The following SEPTIN7 variants were observed in gnomAD, a reference collection of about 807,000 sequenced individuals.
The protein encoded by SEPTIN7 is septin 7, also known as septin-7.
A neutral mutation model predicts 63.3 loss-of-function variants in SEPTIN7; 10 were observed. The ratio of observed to expected loss-of-function variants is 0.16; its 90% CI spans 0.10 to 0.27. The LOEUF (loss-of-function observed/expected upper bound fraction) is 0.27. SEPTIN7 is among the 10% of genes least tolerant of loss of function. The probability of loss-of-function intolerance (pLI) is 1.00; values close to 1 mark genes in which losing one functional copy is unlikely to be tolerated. For missense variants in SEPTIN7, 310 were observed against 521.0 expected (o/e 0.59, Z 3.94); for synonymous variants, 131 against 165.3 (o/e 0.79, Z 1.59).
At chr7:35,813,325 C>G (rs1234107984) in intron 1 of SEPTIN7, among the ~76,000 whole-genome samples, 1 of 151,518 alleles carries the variant, frequency 6.6e-6, no homozygotes, top group Non-Finnish European at 1.5e-5. Flanking sequence ...TTGGTTTGAC[C>G]TTTTCCTACT....
At chr7:35,853,938 T>C (rs2116077541) in intron 3 of SEPTIN7, among the ~76,000 whole-genome samples, 1 of 152,300 alleles carries the variant, frequency 6.6e-6, no homozygotes, top group South Asian at 2.1e-4. Context: ...TATTTCACTT[T>C]TGTTTCTGTT....
intron 3 of SEPTIN7, among the ~76,000 whole-genome samples, chr7:35,840,236 C>CTCCCCT (rs1162244260): frequency 5.8e-5 from 6 of 103,148 alleles, no homozygotes; most frequent in East Asian, 3.7e-4. Context: ...CCCCTTTCCC[C>CTCCCCT]TCCCCTTCCC....
chr7:35,827,690 C>T (rs1193579851), intron 1 of SEPTIN7, among the ~76,000 whole-genome samples: 1 of 152,008 alleles, frequency 6.6e-6, no homozygotes, highest in African/African-American at 2.4e-5. Flanking sequence ...AGGGTTTCAC[C>T]ATGTTGGCCA....
intron 7 of SEPTIN7, 115 bp from the exon 8 acceptor site, chr7:35,882,369 G>A (rs1786937681): frequency 4.3e-6 from 3 of 690,196 alleles, no homozygotes; most frequent in Non-Finnish European, 6.0e-6. Flanking sequence ...TTAAAAAACA[G>A]TAAAGGATCT....
At chr7:35,842,523 C>T (rs1274742966) in intron 3 of SEPTIN7, among the ~76,000 whole-genome samples, 2 of 152,162 alleles carry the variant, frequency 1.3e-5, no homozygotes, top group Non-Finnish European at 1.5e-5. Context: ...AATGGGTTCA[C>T]TGACTTGCCA....
Position 35,814,589 on chromosome 7 carries a change from T to C in SEPTIN7, c.61+13319T>C, listed in dbSNP as rs1788930923. On this transcript the variant is annotated intron_variant, in intron 1 of 13. Coordinates refer to ENST00000350320, the MANE Select transcript of SEPTIN7 (RefSeq NM_001788.6). ...AACTTTAGTATCTTGTCAATGATTCTTGCCTATGGCAGTTATTACTGTGCT... is the reference window on the plus strand; with the variant it reads ...AACTTTAGTATCTTGTCAATGATTCCTGCCTATGGCAGTTATTACTGTGCT... Among the ~76,000 whole-genome samples, 3 of 152,230 alleles carry C rather than the reference T, an allele frequency of 2.0e-5. No homozygotes were observed. In the South Asian group the frequency reaches 6.2e-4, roughly 32 times the overall value.
chr7:35,865,859 A>G (rs1194466921), intron 4 of SEPTIN7, among the ~76,000 whole-genome samples: 1 of 152,174 alleles, frequency 6.6e-6, no homozygotes, highest in Non-Finnish European at 1.5e-5. Flanking sequence ...CCCTCAATTT[A>G]TTAGAATTCT....
At chr7:35,877,398 G>A (rs1307976637) in intron 6 of SEPTIN7, among the ~76,000 whole-genome samples, 1 of 152,130 alleles carries the variant, frequency 6.6e-6, no homozygotes, top group South Asian at 2.1e-4. Flanking sequence ...ATCTTTGTTA[G>A]TAAAAAGGAC....
downstream of SEPTIN7, among the ~76,000 whole-genome samples, chr7:35,911,846 A>G (rs1159081548): frequency 2.6e-5 from 4 of 152,362 alleles, no homozygotes; most frequent in African/African-American, 9.6e-5. Context: ...TGCAAAATTA[A>G]AAGAATATTT....
At chr7:35,878,106 ATAGT>A (rs1441944013) in intron 6 of SEPTIN7, among the ~76,000 whole-genome samples, 1 of 152,164 alleles carries the variant, frequency 6.6e-6, no homozygotes, top group Admixed American at 6.6e-5. Context: ...AAGTGGAACC[ATAGT>A]TAGTGAGGAC....
At chr7:35,895,265 A>C (rs1310010447) in intron 11 of SEPTIN7, among the ~76,000 whole-genome samples, 3 of 152,264 alleles carry the variant, frequency 2.0e-5, no homozygotes, top group African/African-American at 7.2e-5. Context: ...TTATAAGCAC[A>C]ATTTTTTGTT....
At chr7:35,818,902 A>G (rs1255037074) in intron 1 of SEPTIN7, among the ~76,000 whole-genome samples, 1 of 148,828 alleles carries the variant, frequency 6.7e-6, no homozygotes, top group African/African-American at 2.5e-5. Flanking sequence ...AATTTTGTTG[A>G]TCTTTTCAGT....
chr7:35,871,658 A>T (rs1357477876), intron 4 of SEPTIN7, among the ~76,000 whole-genome samples: 1 of 152,198 alleles, frequency 6.6e-6, no homozygotes, highest in Admixed American at 6.5e-5. Context: ...TCTATAAAAC[A>T]TGCCAAAAGG....
At chr7:35,834,160 C>T (rs777715090) in intron 3 of SEPTIN7, among the ~76,000 whole-genome samples, 1 of 151,756 alleles carries the variant, frequency 6.6e-6, no homozygotes, top group East Asian at 1.9e-4. Context: ...TGTATCTTAC[C>T]TTTACATATG....
At chr7:35,832,028 C>T (rs1428211534) in intron 2 of SEPTIN7, 1 of 441,980 alleles carries the variant, frequency 2.3e-6, no homozygotes, top group Admixed American at 2.5e-5. Flanking sequence ...GCATTTCTCA[C>T]CCATGGGTAA....
At chr7:35,856,575 A>G (rs1785218512) in intron 3 of SEPTIN7, among the ~76,000 whole-genome samples, 1 of 152,172 alleles carries the variant, frequency 6.6e-6, no homozygotes, top group Non-Finnish European at 1.5e-5. Context: ...TGGAGTGGCG[A>G]CTTCCAAGCT....
rs113834654 is a variant in SEPTIN7, at chr7:35,846,445, A to G, written c.169+13545A>G. Among the ~76,000 whole-genome samples the G allele has an allele frequency of 5.3e-4, 81 of 152,324 alleles. 1 individual carries two copies. The highest frequency in any genetic ancestry group is 1.7e-3 in the African/African-American group (70 of 41,576). On this transcript the variant is annotated intron_variant, in intron 3 of 13. Coordinates refer to ENST00000350320, the MANE Select transcript of SEPTIN7 (RefSeq NM_001788.6). ...TGTCGTACCAACTAATACAGTTTCT[A>G]TAGGTGTGTGAATGCTCATATGTGT...
Position 35,905,144 on chromosome 7 carries a change from T to A in SEPTIN7, c.*851T>A, listed in dbSNP as rs189456927. The A allele has an allele frequency of 6.5e-6, 1 of 152,772 alleles. No individual in the cohort carries two copies. Among genetic ancestry groups the A allele is most frequent in the African/African-American group, 2.4e-5 (1 of 41,588 alleles). The allele number at this position is 152,772 out of a possible 1,614,324, so 9.5% of individuals were successfully genotyped here. A position where few individuals can be genotyped will look rare whatever the true frequency, so the allele number is the denominator to read the frequency against. ...AATTGTGAAGCTAATGACCAACCTG[T>A]TTCTACCTATATGCAGTCTCTTTAT... On this transcript the variant is annotated 3_prime_UTR_variant, in exon 14 of 14. Coordinates refer to ENST00000350320, the MANE Select transcript of SEPTIN7 (RefSeq NM_001788.6).
chr7:35,811,658 G>A (rs540403920), intron 1 of SEPTIN7, among the ~76,000 whole-genome samples: 4 of 152,244 alleles, frequency 2.6e-5, no homozygotes, highest in East Asian at 3.9e-4. Flanking sequence ...AGGTCGAGGC[G>A]GGCTGATCAC....
Sources: allele counts gnomAD v4.1 joint callset (sites outside exome capture counted in the v4.1 genomes callset), GRCh38; gene constraint gnomAD v4.1.1; transcripts MANE v1.5; gene names NCBI Gene and HGNC (gene_info 2026-07-23, HGNC 2026-07-21).